Variants in PALS2 observed in about 807,000 individuals in gnomAD.
PALS2 encodes the protein protein PALS2.
Under a neutral mutation model 61.6 loss-of-function variants are expected in PALS2, and 27 were observed. The ratio of observed to expected loss-of-function variants is 0.44; its 90% confidence interval spans 0.32 to 0.60. The LOEUF (loss-of-function observed/expected upper bound fraction) is 0.60, where lower values mean the gene tolerates loss of function less well. Ranked by LOEUF, PALS2 falls within the 20% of genes least tolerant of loss-of-function variation. The pLI is 0.05. For synonymous variants in PALS2, 236 were observed against 218.6 expected (o/e 1.08, Z -0.70); for missense variants, 554 against 639.4 (o/e 0.87, Z 1.44).
At chr7:24,578,897 G>A (rs1782736217) in intron 1 of PALS2, among the ~76,000 whole-genome samples, 1 of 152,106 alleles carries the variant, frequency 6.6e-6, no homozygotes, top group Non-Finnish European at 1.5e-5. Flanking sequence ...CACTCTTCCT[G>A]GAGATATAGA....
At chr7:24,617,562 T>G (rs1481731344) in intron 1 of PALS2, among the ~76,000 whole-genome samples, 2 of 152,212 alleles carry the variant, frequency 1.3e-5, no homozygotes, top group African/African-American at 4.8e-5. Flanking sequence ...TTGCGTGGGG[T>G]GCATTCACTT....
intron 5 of PALS2, among the ~76,000 whole-genome samples, chr7:24,662,343 G>GA (rs1786767463): frequency 6.6e-6 from 1 of 152,144 alleles, no homozygotes; most frequent in Non-Finnish European, 1.5e-5. Flanking sequence ...TAAACAAATA[G>GA]AAAAAGAACA....
chr7:24,590,441 T>C (rs1241037777), intron 1 of PALS2, among the ~76,000 whole-genome samples: 1 of 152,066 alleles, frequency 6.6e-6, no homozygotes, highest in African/African-American at 2.4e-5. Context: ...CAAGACCACT[T>C]CGTAGTTTCT....
rs749421698 is a variant in PALS2, at chr7:24,638,322, C to CTTTTTTTTTTTTTTTTTTTTTTTTTT, written c.118-3393_118-3368dup. On this transcript the variant is annotated intron_variant, in intron 2 of 11. Transcript: ENST00000222644. ...TTTCTCCCTTCAATTTCTGTATTTT[C>CTTTTTTTTTTTTTTTTTTTTTTTTTT]TTTTTTTTTTTTTTTTTTTTTTTTT... is the stretch of plus-strand genomic sequence containing the variant. Among the ~76,000 whole-genome samples, 26 of 11,914 alleles carry CTTTTTTTTTTTTTTTTTTTTTTTTTT rather than the reference C, an allele frequency of 2.2e-3. 12 individuals carry two copies. The highest frequency in any genetic ancestry group is 2.1e-3 in the Non-Finnish European group (18 of 8,414). 7.8% of individuals were successfully genotyped at this position (11,914 alleles called of 152,430 possible). A position where few individuals can be genotyped will look rare whatever the true frequency, so the allele number is the denominator to read the frequency against.
At chr7:24,651,193 CTAATTT>C (rs1786134651) in intron 5 of PALS2, among the ~76,000 whole-genome samples, 1 of 152,122 alleles carries the variant, frequency 6.6e-6, no homozygotes, top group Non-Finnish European at 1.5e-5. Context: ...TATTTTAAAA[CTAATTT>C]TAGGTAAACT....
rs559724674 is a variant in PALS2, at chr7:24,573,468, A to C, written c.-128A>C. 23 of 378,138 alleles carry C rather than the reference A, an allele frequency of 6.1e-5. No homozygotes were observed. In the Admixed American group the frequency reaches 6.8e-4, roughly 11 times the overall value. The allele number at this position is 378,138 out of a possible 1,614,324, so 23.4% of individuals were successfully genotyped here. A position where few individuals can be genotyped will look rare whatever the true frequency, so the allele number is the denominator to read the frequency against. ...GTGAGAGACGCATTTCCAGTTCTCA[A>C]CTACGAGCCACGAGTTTGCAGATGG... On this transcript the variant is annotated 5_prime_UTR_variant, in exon 1 of 12. Coordinates refer to ENST00000222644, the MANE Select transcript of PALS2 (RefSeq NM_001303037.2). The surrounding 1 kb of genome is among the most constrained non-coding windows in gnomAD (Gnocchi z 5.3).
chr7:24,626,734 T>C (rs1784761779), intron 2 of PALS2, among the ~76,000 whole-genome samples: 1 of 152,120 alleles, frequency 6.6e-6, no homozygotes, highest in Non-Finnish European at 1.5e-5. Flanking sequence ...TCCTAATCTC[T>C]GATAAAACAG....
intron 1 of PALS2, among the ~76,000 whole-genome samples, chr7:24,578,835 C>CT (rs1444817947): frequency 6.6e-6 from 1 of 152,204 alleles, no homozygotes; most frequent in African/African-American, 2.4e-5. Context: ...CTGCAAAACA[C>CT]TCGTCTCTCC....
chr7:24,625,781 CAA>C (rs1376688383), intron 2 of PALS2, among the ~76,000 whole-genome samples: 6 of 152,002 alleles, frequency 3.9e-5, no homozygotes, highest in East Asian at 1.9e-4. Context: ...TGAAATAAAG[CAA>C]AGAGTTATCC....
At chr7:24,662,047 T>A (rs1313356317) in intron 5 of PALS2, among the ~76,000 whole-genome samples, 3 of 152,232 alleles carry the variant, frequency 2.0e-5, no homozygotes, top group Non-Finnish European at 4.4e-5. Flanking sequence ...TTAGCAATCT[T>A]AATGTTTGTA....
chr7:24,655,556 T>C (rs1260680533), intron 5 of PALS2, among the ~76,000 whole-genome samples: 1 of 151,776 alleles, frequency 6.6e-6, no homozygotes, highest in African/African-American at 2.4e-5. Flanking sequence ...ACAAAAGCAG[T>C]CCTTGCACGA....
rs147487836 is a variant in PALS2 at position 24,620,890 on chromosome 7, C to T, written c.-2-2776C>T. Among the ~76,000 whole-genome samples the T allele has an allele frequency of 1.6e-4, 25 of 152,190 alleles. No homozygotes were observed. The East Asian group carries it at 4.6e-3, about 28-fold the overall frequency. The stretch of plus-strand genomic sequence containing the variant: ...GGCCATGAGTTGCTAATTGTTGGAG[C>T]TGATCATTGTGTGGTTTATTATATT... On this transcript the variant is annotated intron_variant, in intron 1 of 11. Transcript: ENST00000222644.
At chr7:24,590,741 T>G (rs1257157753) in intron 1 of PALS2, among the ~76,000 whole-genome samples, 1 of 152,032 alleles carries the variant, frequency 6.6e-6, no homozygotes, top group Non-Finnish European at 1.5e-5. Flanking sequence ...TCTGAACTCC[T>G]GGTTACTGAA....
chr7:24,643,366 T>A (rs1785662217), intron 3 of PALS2, among the ~76,000 whole-genome samples: 1 of 152,134 alleles, frequency 6.6e-6, no homozygotes, highest in African/African-American at 2.4e-5. Flanking sequence ...ATGAAGACAT[T>A]GCTTTTCTTC....
intron 9 of PALS2, among the ~76,000 whole-genome samples, chr7:24,678,035 A>G (rs968993928): frequency 1.3e-5 from 2 of 152,174 alleles, no homozygotes; most frequent in East Asian, 1.9e-4. Context: ...TAATAATTCC[A>G]TCAGTTATTC....
Position 24,691,042 on chromosome 7 carries a change from C to G in PALS2, c.*3428C>G, listed in dbSNP as rs545337671. 10 of 152,024 alleles carry G rather than the reference C, an allele frequency of 6.6e-5. No homozygotes were observed. The highest frequency in any genetic ancestry group is 2.4e-4 in the African/African-American group (10 of 41,492). The allele number at this position is 152,024 out of a possible 1,614,324, so 9.4% of individuals were successfully genotyped here. On this transcript the variant is annotated 3_prime_UTR_variant, in exon 12 of 12. Transcript: ENST00000222644. ...TATCCCAATGACAATAAAAAATGATCCTTGGTTTAAAAATTATTAAATGGT... is the reference window on the plus strand; with the variant it reads ...TATCCCAATGACAATAAAAAATGATGCTTGGTTTAAAAATTATTAAATGGT...
chr7:24,636,292 G>GA (rs1253563300), intron 2 of PALS2, among the ~76,000 whole-genome samples: 1 of 150,864 alleles, frequency 6.6e-6, no homozygotes, highest in Admixed American at 6.6e-5. Flanking sequence ...GTTCCCACTA[G>GA]AAAAAATATG....
At chr7:24,630,715 G>A (rs1784962294) in intron 2 of PALS2, among the ~76,000 whole-genome samples, 1 of 152,170 alleles carries the variant, frequency 6.6e-6, no homozygotes, top group African/African-American at 2.4e-5. Context: ...TTAAGTGGAA[G>A]CCAATGCTCA....
intron 1 of PALS2, among the ~76,000 whole-genome samples, chr7:24,577,545 C>T (rs74681548): frequency 0.054 from 8,176 of 152,122 alleles, 293 homozygotes; most frequent in African/African-American, 0.095. Flanking sequence ...ATCTTTTCCT[C>T]TTAAATCTAT....
Sources: gnomAD v4.1 joint callset for allele counts (sites outside exome capture counted in the v4.1 genomes callset) on GRCh38, gnomAD v4.1.1 for gene constraint, Gnocchi (gnomAD v3.1) non-coding constraint, MANE v1.5 for transcripts, NCBI Gene and HGNC (gene_info 2026-07-23, HGNC 2026-07-21) for gene names.